Variants in LARP1 observed in about 807,000 individuals in gnomAD.
The protein encoded by LARP1 is La ribonucleoprotein 1, translational regulator.
Under a neutral mutation model 122.7 loss-of-function variants are expected in LARP1, and 36 were observed. That is an observed-to-expected ratio of 0.29 (90% confidence interval 0.22 to 0.39). LARP1 has a LOEUF of 0.39. Among genes scored for constraint, LARP1 ranks in the 10% least tolerant of loss-of-function variants. The pLI is 1.00. For synonymous variants in LARP1, 539 were observed against 528.7 expected (o/e 1.02, Z -0.27); for missense variants, 1,040 against 1,403.6 (o/e 0.74, Z 4.14).
chr5:154,793,836 C>A lies in LARP1; in HGVS notation c.905C>A (p.Pro302His), dbSNP rs1288452788. The change falls in exon 6 of 19, where the codon CCC (proline) becomes CAC (histidine). Residue 302 changes from proline to histidine, a missense_variant. Transcript: ENST00000518297. ...ESATYVPVAPPTPAWQPEIKP... is the reference protein window; with the variant it reads ...ESATYVPVAPHTPAWQPEIKP... ...GCCACCTACGTGCCCGTGGCCCCCC[C>A]CACCCCAGCCTGGCAACCAGAGATC... is the stretch of plus-strand genomic sequence containing the variant. The A allele has an allele frequency of 2.5e-6, 4 of 1,614,064 alleles. No homozygotes were observed. In the African/African-American group the frequency reaches 4.0e-5, roughly 16 times the overall value.
intron 2 of LARP1, 62 bp downstream of exon 2, chr5:154,790,448 T>A: frequency 1.3e-6 from 2 of 1,495,478 alleles, no homozygotes; most frequent in African/African-American, 1.4e-5. Flanking sequence ...CTTTCCTGTT[T>A]TAGTGAATGC....
In LARP1 at chr5:154,793,833, C is replaced by A; in HGVS notation, c.902C>A (p.Pro301His). The change falls in exon 6 of 19, where the codon CCC becomes CAC. Residue 301 changes from proline (P) to histidine (H), a missense_variant. Physicochemically the swap from Pro to His is moderately conservative, Grantham distance 77. Transcript: ENST00000518297. ...SESATYVPVA[P>H]PTPAWQPEIK... ...TCTGCCACCTACGTGCCCGTGGCCCCCCCCACCCCAGCCTGGCAACCAGAG... is the reference window on the plus strand; with the variant it reads ...TCTGCCACCTACGTGCCCGTGGCCCACCCCACCCCAGCCTGGCAACCAGAG... 1 of 1,614,176 alleles carries A rather than the reference C, an allele frequency of 6.2e-7. No individual in the cohort carries two copies. The highest frequency in any genetic ancestry group is 1.3e-5 in the African/African-American group (1 of 75,060).
At chr5:154,750,495 C>T (rs1392916582), upstream of LARP1, among the ~76,000 whole-genome samples, 3 of 152,156 alleles carry the variant, frequency 2.0e-5, no homozygotes, top group Non-Finnish European at 4.4e-5. Context: ...TGATCTTGAA[C>T]TCCTGGGCTC....
intron 1 of LARP1, among the ~76,000 whole-genome samples, chr5:154,771,800 G>A (rs999918789): frequency 6.6e-6 from 1 of 152,200 alleles, no homozygotes; most frequent in African/African-American, 2.4e-5. Context: ...GCCACATGCA[G>A]GCCTGCTGGA....
intron 1 of LARP1, among the ~76,000 whole-genome samples, chr5:154,762,291 G>A (rs1582321163): frequency 1.3e-5 from 2 of 151,904 alleles, no homozygotes; most frequent in Admixed American, 6.6e-5. Flanking sequence ...GAGGTAAGAT[G>A]TAAGTTTTTT....
intron 1 of LARP1, among the ~76,000 whole-genome samples, chr5:154,700,647 A>C (rs556051210): frequency 6.6e-6 from 1 of 152,014 alleles, no homozygotes; most frequent in East Asian, 2.0e-4. Context: ...TGTTTGAGAC[A>C]GGGTCTCGCT....
upstream of LARP1, among the ~76,000 whole-genome samples, chr5:154,712,264 C>G (rs962481430): frequency 2.0e-5 from 3 of 152,194 alleles, no homozygotes; most frequent in Non-Finnish European, 4.4e-5. Context: ...GGATCACTAG[C>G]ATGACTATAC....
intron 1 of LARP1, among the ~76,000 whole-genome samples, chr5:154,717,249 C>T (rs982135419): frequency 1.3e-5 from 2 of 152,098 alleles, no homozygotes; most frequent in African/African-American, 4.8e-5. Flanking sequence ...TAGTTTGCTA[C>T]AGTCCCTACC....
chr5:154,716,475 G>A (rs923826343), intron 1 of LARP1, among the ~76,000 whole-genome samples: 1 of 152,042 alleles, frequency 6.6e-6, no homozygotes. Flanking sequence ...GAGACAGAGA[G>A]TATCACTCTG....
intron 1 of LARP1, among the ~76,000 whole-genome samples, chr5:154,743,478 T>G (rs1269143408): frequency 2.7e-5 from 4 of 150,632 alleles, no homozygotes; most frequent in African/African-American, 9.8e-5. Flanking sequence ...CCAGCTAATT[T>G]TTGTATTTTT....
At chr5:154,800,106 A>G (rs1758224097) in intron 10 of LARP1, 64 bp downstream of exon 10, 1 of 1,462,250 alleles carries the variant, frequency 6.8e-7, no homozygotes, top group African/African-American at 1.4e-5. Flanking sequence ...TGAAGGGGAT[A>G]ACACATGGGC....
intron 1 of LARP1, among the ~76,000 whole-genome samples, chr5:154,735,393 A>C (rs868836788): frequency 6.6e-6 from 1 of 151,826 alleles, no homozygotes. Flanking sequence ...CGGAGGTTGC[A>C]GTGAGCTGAG....
At chr5:154,795,825 ATATATATATTT>A (rs920038589) in intron 8 of LARP1, among the ~76,000 whole-genome samples, 13 of 109,848 alleles carry the variant, frequency 1.2e-4, no homozygotes, top group South Asian at 3.5e-4. Flanking sequence ...ATATATATTT[ATATATATATTT>A]TATATATATT....
At chr5:154,703,913 G>A (rs967124282) in intron 1 of LARP1, among the ~76,000 whole-genome samples, 4 of 152,178 alleles carry the variant, frequency 2.6e-5, no homozygotes, top group Admixed American at 6.5e-5. Context: ...GAGCCACCGC[G>A]CCCAGCCAAA....
intron 15 of LARP1, among the ~76,000 whole-genome samples, chr5:154,806,522 G>A (rs1758799747): frequency 6.6e-6 from 1 of 152,168 alleles, no homozygotes; most frequent in Non-Finnish European, 1.5e-5. Flanking sequence ...GAGACTATAT[G>A]TCTTCTGTAA....
chr5:154,806,150 G>C, intron 15 of LARP1, 118 bp downstream of exon 15: 1 of 1,094,570 alleles, frequency 9.1e-7, no homozygotes, highest in Admixed American at 2.7e-5. Flanking sequence ...GCAAAAAAAA[G>C]ACATGACATT....
At chr5:154,706,535 G>A (rs1172810894) in intron 1 of LARP1, among the ~76,000 whole-genome samples, 1 of 151,890 alleles carries the variant, frequency 6.6e-6, no homozygotes, top group African/African-American at 2.4e-5. Context: ...AGATGGAAAT[G>A]GTAGACACTG....
intron 1 of LARP1, among the ~76,000 whole-genome samples, chr5:154,787,900 T>G (rs1458679780): frequency 6.6e-6 from 1 of 152,220 alleles, no homozygotes; most frequent in Non-Finnish European, 1.5e-5. Flanking sequence ...GAGACTGAGC[T>G]TTCAATACTT....
chr5:154,788,860 C>G (rs1274509049), intron 1 of LARP1, among the ~76,000 whole-genome samples: 2 of 152,086 alleles, frequency 1.3e-5, no homozygotes, highest in Non-Finnish European at 2.9e-5. Context: ...ACATGTCGTT[C>G]TAGAGTTTGT....
Sources: gnomAD v4.1 joint callset for allele counts (sites outside exome capture counted in the v4.1 genomes callset) on GRCh38, gnomAD v4.1.1 for gene constraint, MANE v1.5 for transcripts, NCBI Gene and HGNC (gene_info 2026-07-23, HGNC 2026-07-21) for gene names.